The following PRDM5 variants were observed in gnomAD, a reference collection of about 807,000 sequenced individuals.
The protein encoded by PRDM5 is PR domain zinc finger protein 5.
A neutral mutation model predicts 81.2 loss-of-function variants in PRDM5; 56 were observed. That is an observed-to-expected ratio of 0.69 (90% CI 0.56 to 0.86). PRDM5 has a LOEUF of 0.86. Among genes scored for constraint, PRDM5 ranks in the 40% least tolerant of loss-of-function variants. The pLI is 0.00. For missense variants in PRDM5, 697 were observed against 770.1 expected, an observed-to-expected ratio of 0.91 and a Z score of 1.12; for synonymous variants, 267 against 256.4, an observed-to-expected ratio of 1.04 and a Z score of -0.39.
intron 15 of PRDM5, among the ~76,000 whole-genome samples, chr4:120,700,357 A>G (rs1298912996): frequency 6.6e-6 from 1 of 152,228 alleles, no homozygotes; most frequent in East Asian, 1.9e-4. Context: ...TAAAAATCCT[A>G]GAAGAAAACC....
At position 120,761,941 on chromosome 4, in the gene PRDM5, T is replaced by G. The variant is rs1745678563; in HGVS notation, c.1538-7303A>C. 2.6e-5 allele frequency among the ~76,000 whole-genome samples: 4 copies of G among 152,140 alleles called. No homozygotes were observed. In the South Asian group the frequency reaches 8.3e-4, roughly 32 times the overall value. The stretch of plus-strand genomic sequence containing the variant: ...TTTGAAGATGATAAATTATGTGTCA[T>G]GTATATATTACCACAATTTTTTAAA... On this transcript the variant is annotated intron_variant, in intron 13 of 15. Transcript: ENST00000264808.
intron 2 of PRDM5, among the ~76,000 whole-genome samples, chr4:120,867,175 C>T (rs1436997680): frequency 6.6e-6 from 1 of 152,040 alleles, no homozygotes; most frequent in Non-Finnish European, 1.5e-5. Context: ...TAATAAGAAC[C>T]CAGCCCTGCC....
downstream of PRDM5, among the ~76,000 whole-genome samples, chr4:120,688,944 T>C (rs979020146): frequency 6.6e-6 from 1 of 152,318 alleles, no homozygotes; most frequent in Non-Finnish European, 1.5e-5. Context: ...TTTCTCAGGA[T>C]TGTTTTGGCT....
chr4:120,851,363 T>G (rs1425894407), intron 3 of PRDM5, among the ~76,000 whole-genome samples: 1 of 151,792 alleles, frequency 6.6e-6, no homozygotes, highest in Non-Finnish European at 1.5e-5. Context: ...AGTCCGTAAA[T>G]TAAAATATTG....
At chr4:120,776,067 C>T (rs1192976534) in intron 13 of PRDM5, among the ~76,000 whole-genome samples, 2 of 152,158 alleles carry the variant, frequency 1.3e-5, no homozygotes, top group Non-Finnish European at 2.9e-5. Context: ...TTTTGGGGCT[C>T]TCTGCTTCTG....
chr4:120,807,000 C>G (rs1426337711), intron 8 of PRDM5, among the ~76,000 whole-genome samples: 1 of 151,872 alleles, frequency 6.6e-6, no homozygotes, highest in Non-Finnish European at 1.5e-5. Context: ...AACAAAGTTA[C>G]AAGAAAAAAA....
At chr4:120,687,679 G>A (rs770529703), downstream of PRDM5, among the ~76,000 whole-genome samples, 1 of 152,094 alleles carries the variant, frequency 6.6e-6, no homozygotes, top group Non-Finnish European at 1.5e-5. Flanking sequence ...TTGAAATTTA[G>A]TTGCCATTGT....
chr4:120,716,184 C>A lies in PRDM5; in HGVS notation c.1624-5771G>T, dbSNP rs559124409. The stretch of plus-strand genomic sequence containing the variant: ...TTTCACATGTTTATACATGCTATTG[C>A]TGATTAATTTAATATACTTCACTTA... On this transcript the variant is annotated intron_variant, in intron 14 of 15. Transcript: ENST00000264808. Among the ~76,000 whole-genome samples, 4 of 152,256 alleles carry A rather than the reference C, an allele frequency of 2.6e-5. No individual in the cohort carries two copies. The East Asian group carries it at 5.8e-4, about 22-fold the overall frequency.
chr4:120,833,669 T>A (rs1431862940), intron 3 of PRDM5, among the ~76,000 whole-genome samples: 1 of 152,182 alleles, frequency 6.6e-6, no homozygotes, highest in Non-Finnish European at 1.5e-5. Flanking sequence ...AGTGCTTAGT[T>A]AAGATGGAAA....
chr4:120,913,141 G>A (rs935418786), intron 1 of PRDM5, among the ~76,000 whole-genome samples: 4 of 152,162 alleles, frequency 2.6e-5, no homozygotes, highest in African/African-American at 4.8e-5. Context: ...TATTTATCTC[G>A]AAGAGAAGGG....
chr4:120,829,400 T>A (rs1756438112), intron 3 of PRDM5, among the ~76,000 whole-genome samples: 1 of 152,068 alleles, frequency 6.6e-6, no homozygotes, highest in South Asian at 2.1e-4. Context: ...GCATTATGTG[T>A]ACACCTCAAC....
At chr4:120,902,383 A>G (rs1373960237) in intron 2 of PRDM5, among the ~76,000 whole-genome samples, 1 of 152,238 alleles carries the variant, frequency 6.6e-6, no homozygotes, top group East Asian at 1.9e-4. Flanking sequence ...AGACGTAAAA[A>G]CAAAGAATTA....
At chr4:120,704,758 G>A (rs1345210811) in intron 15 of PRDM5, among the ~76,000 whole-genome samples, 1 of 152,146 alleles carries the variant, frequency 6.6e-6, no homozygotes, top group Non-Finnish European at 1.5e-5. Flanking sequence ...CAGGCTTTAA[G>A]GGAAAATTGG....
chr4:120,714,136 C>T (rs757993055), intron 14 of PRDM5, among the ~76,000 whole-genome samples: 3 of 152,252 alleles, frequency 2.0e-5, no homozygotes, highest in South Asian at 4.1e-4. Context: ...ATATAATCAA[C>T]GTGATTTAGC....
At position 120,794,434 on chromosome 4, in the gene PRDM5, T is replaced by G. The variant is rs1751038056; in HGVS notation, c.1188+3833A>C. On this transcript the variant is annotated intron_variant, in intron 10 of 15. Coordinates refer to ENST00000264808, the MANE Select transcript of PRDM5 (RefSeq NM_018699.4). ...ACTGTCTTTAAGGTCTAATAAAATTTATACCAGGCAAAGAGTGAACTGTAT... is the reference window on the plus strand; with the variant it reads ...ACTGTCTTTAAGGTCTAATAAAATTGATACCAGGCAAAGAGTGAACTGTAT... Among the ~76,000 whole-genome samples, 4 of 152,038 alleles carry G rather than the reference T, an allele frequency of 2.6e-5. No homozygotes were observed. The South Asian group carries it at 8.3e-4, about 32-fold the overall frequency.
At chr4:120,778,615 C>G (rs1000245594) in intron 12 of PRDM5, among the ~76,000 whole-genome samples, 1 of 151,982 alleles carries the variant, frequency 6.6e-6, no homozygotes, top group African/African-American at 2.4e-5. Flanking sequence ...AACTAAAGAC[C>G]TTAGTCAGTA....
chr4:120,809,147 A>G (rs955062427), intron 8 of PRDM5, among the ~76,000 whole-genome samples: 3 of 152,144 alleles, frequency 2.0e-5, no homozygotes, highest in African/African-American at 7.2e-5. Context: ...GCAAGGACAA[A>G]AAGCCAAACA....
At chr4:120,859,869 A>G (rs922866984) in intron 2 of PRDM5, among the ~76,000 whole-genome samples, 2 of 152,150 alleles carry the variant, frequency 1.3e-5, no homozygotes, top group Non-Finnish European at 2.9e-5. Flanking sequence ...CTTTTTGGAC[A>G]TGATTTTCAG....
chr4:120,803,099 G>A (rs937858127), intron 8 of PRDM5, among the ~76,000 whole-genome samples: 2 of 152,144 alleles, frequency 1.3e-5, no homozygotes, highest in Non-Finnish European at 2.9e-5. Context: ...CTGGAAGAAA[G>A]GGTATCAGTG....
Sources: gnomAD v4.1 joint callset for allele counts (sites outside exome capture counted in the v4.1 genomes callset) on GRCh38, gnomAD v4.1.1 for gene constraint, MANE v1.5 for transcripts, NCBI Gene and HGNC (gene_info 2026-07-23, HGNC 2026-07-21) for gene names.